The following NRF1 variants were observed in gnomAD, a reference collection of about 807,000 sequenced individuals.
NRF1 encodes the protein nuclear respiratory factor 1, also known as alpha palindromic-binding protein.
Under a neutral mutation model 58.5 loss-of-function variants are expected in NRF1, and 5 were observed. That is an observed-to-expected ratio of 0.09 (90% CI 0.04 to 0.18). The LOEUF is 0.18. NRF1 is among the 10% of genes least tolerant of loss of function. NRF1 has a pLI of 1.00. For missense variants in NRF1, 288 were observed against 657.7 expected (o/e 0.44, Z 6.15); for synonymous variants, 224 against 246.7 (o/e 0.91, Z 0.86).
intron 9 of NRF1, 138 bp downstream of exon 9, chr7:129,717,514 T>G: frequency 1.0e-6 from 1 of 954,388 alleles, no homozygotes; most frequent in African/African-American, 1.7e-5. Flanking sequence ...CCATACGATA[T>G]TGTAGTTTGG....
In NRF1 at chr7:129,732,133, T is replaced by C. The variant is rs542523913; in HGVS notation, c.1348+4768T>C. 2.6e-5 allele frequency among the ~76,000 whole-genome samples: 4 copies of C among 152,172 alleles called. No homozygotes were observed. The South Asian group carries it at 6.2e-4, about 24-fold the overall frequency. On this transcript the variant is annotated intron_variant, in intron 10 of 10. Transcript: ENST00000393232. The stretch of plus-strand genomic sequence containing the variant: ...AGCTCTTTGCTGAGTGCCTCTCACC[T>C]CTCACCCAGACCTTAACACCCATTG...
chr7:129,642,464 A>C (rs1435433583), intron 1 of NRF1, among the ~76,000 whole-genome samples: 1 of 152,214 alleles, frequency 6.6e-6, no homozygotes, highest in Non-Finnish European at 1.5e-5. Flanking sequence ...AGACATTTAA[A>C]AAAGATACAA....
At chr7:129,619,396 G>GTGTA (rs1491323365) in intron 1 of NRF1, among the ~76,000 whole-genome samples, 9 of 47,366 alleles carry the variant, frequency 1.9e-4, no homozygotes, top group South Asian at 1.1e-3. Context: ...TGGCATACGT[G>GTGTA]TATATATATA....
At chr7:129,666,949 A>G (rs1441079177) in intron 2 of NRF1, among the ~76,000 whole-genome samples, 1 of 152,248 alleles carries the variant, frequency 6.6e-6, no homozygotes, top group African/African-American at 2.4e-5. Context: ...CATATAGCCA[A>G]AACTACAATT....
At chr7:129,681,148 C>T (rs1802298279) in intron 4 of NRF1, among the ~76,000 whole-genome samples, 1 of 152,106 alleles carries the variant, frequency 6.6e-6, no homozygotes, top group South Asian at 2.1e-4. Flanking sequence ...TTGGTGGAAG[C>T]AAGAGGTTGG....
intron 10 of NRF1, among the ~76,000 whole-genome samples, chr7:129,739,789 T>C (rs1307934808): frequency 1.3e-5 from 2 of 152,198 alleles, no homozygotes; most frequent in Non-Finnish European, 2.9e-5. Context: ...GCTACAGGTA[T>C]CTGCAGCCAG....
At chr7:129,673,137 AACTG>A (rs1257846402) in intron 3 of NRF1, among the ~76,000 whole-genome samples, 1 of 152,210 alleles carries the variant, frequency 6.6e-6, no homozygotes. Flanking sequence ...AAAAGATGCC[AACTG>A]ACTATTAGAT....
chr7:129,703,023 T>A (rs1163026558), intron 5 of NRF1, among the ~76,000 whole-genome samples: 2 of 152,196 alleles, frequency 1.3e-5, no homozygotes, highest in Non-Finnish European at 2.9e-5. Context: ...ATTTCTAGCA[T>A]AGCAAGAATT....
At chr7:129,723,672 T>C (rs777952220) in intron 9 of NRF1, among the ~76,000 whole-genome samples, 1 of 151,892 alleles carries the variant, frequency 6.6e-6, no homozygotes, top group Non-Finnish European at 1.5e-5. Context: ...AGACAGTCCT[T>C]TCCCTATTGA....
Position 129,611,785 on chromosome 7 carries a change from T to G in NRF1, c.-46T>G, listed in dbSNP as rs1262268541. ...CTGCGAGGAGCCGGCGCGGTCGCAG[T>G]CTCCACGGCGCAGGCCCACGGTAGC... On this transcript the variant is annotated 5_prime_UTR_variant, in exon 1 of 11. Coordinates refer to ENST00000393232, the MANE Select transcript of NRF1 (RefSeq NM_005011.5). 7.7e-6 allele frequency: 2 copies of G among 259,106 alleles called. No homozygotes were observed. The highest frequency in any genetic ancestry group is 1.5e-5 in the Non-Finnish European group (2 of 137,292). 16.1% of individuals were successfully genotyped at this position (259,106 alleles called of 1,614,324 possible). A position where few individuals can be genotyped will look rare whatever the true frequency, so the allele number is the denominator to read the frequency against.
chr7:129,628,346 T>C (rs1349192433), intron 1 of NRF1, among the ~76,000 whole-genome samples: 2 of 152,020 alleles, frequency 1.3e-5, no homozygotes, highest in African/African-American at 4.8e-5. Flanking sequence ...ATAAAAATTA[T>C]TGAGGACTCC....
At position 129,717,425 on chromosome 7, in the gene NRF1, C is replaced by A. The variant is rs757704626; in HGVS notation, c.1223+49C>A. On this transcript the variant is annotated intron_variant, in intron 9 of 10. Transcript: ENST00000393232. ...AGTGAGGATCGCAAATCTGTCCCTG[C>A]AGATATGGGTGGAGGCCCCTTAAAG... 18 of 1,553,418 alleles carry A rather than the reference C, an allele frequency of 1.2e-5. No homozygotes were observed. In the Admixed American group the frequency reaches 2.7e-4, roughly 24 times the overall value.
intron 1 of NRF1, among the ~76,000 whole-genome samples, chr7:129,633,249 C>G (rs1801090549): frequency 6.6e-6 from 1 of 152,084 alleles, no homozygotes; most frequent in Non-Finnish European, 1.5e-5. Flanking sequence ...TGATGCTTAT[C>G]TTTTTAAACG....
At chr7:129,714,463 C>T (rs764029457) in intron 8 of NRF1, among the ~76,000 whole-genome samples, 4 of 152,138 alleles carry the variant, frequency 2.6e-5, no homozygotes, top group South Asian at 2.1e-4. Context: ...CAGCACTGCC[C>T]GGCTTCAGTG....
At chr7:129,702,294 G>A (rs962949796) in intron 5 of NRF1, among the ~76,000 whole-genome samples, 3 of 152,182 alleles carry the variant, frequency 2.0e-5, no homozygotes, top group Non-Finnish European at 2.9e-5. Flanking sequence ...TGGGGGTGCC[G>A]AGATACAGAA....
At chr7:129,655,672 C>T (rs1801637799) in intron 1 of NRF1, among the ~76,000 whole-genome samples, 2 of 152,104 alleles carry the variant, frequency 1.3e-5, no homozygotes, top group Admixed American at 6.5e-5. Context: ...CAGATGTGTA[C>T]CACCACACCT....
intron 9 of NRF1, among the ~76,000 whole-genome samples, chr7:129,717,655 A>C (rs919244652): frequency 2.6e-5 from 4 of 152,206 alleles, no homozygotes; most frequent in African/African-American, 9.7e-5. Context: ...TTTCCTGCTT[A>C]GTTCCTTCTA....
In NRF1 at chr7:129,755,298, C is replaced by CA. The variant is rs1562995607; in HGVS notation, c.*117_*118insA. 2.6e-6 allele frequency: 2 copies of CA among 765,136 alleles called. No homozygotes were observed. Among genetic ancestry groups the CA allele is most frequent in the East Asian group, 8.4e-5 (2 of 23,950 alleles). 47.4% of individuals were successfully genotyped at this position (765,136 alleles called of 1,614,324 possible). A position where few individuals can be genotyped will look rare whatever the true frequency, so the allele number is the denominator to read the frequency against. On this transcript the variant is annotated 3_prime_UTR_variant, in exon 11 of 11. Transcript: ENST00000393232. The surrounding 1 kb of genome is among the most constrained non-coding windows in gnomAD (Gnocchi z 5.8). The stretch of plus-strand genomic sequence containing the variant: ...ACTTTGGAAGGAAAGTTTTGTTAAC[C>CA]TTTTTTTTTTTAAAAGGAAGAAAGC...
chr7:129,663,472 G>A (rs1250823098), intron 2 of NRF1, among the ~76,000 whole-genome samples: 1 of 146,966 alleles, frequency 6.8e-6, no homozygotes, highest in Non-Finnish European at 1.5e-5. Context: ...CCGAGCAGAG[G>A]TGCTCCTCAC....
Sources: allele counts gnomAD v4.1 joint callset (sites outside exome capture counted in the v4.1 genomes callset), GRCh38; gene constraint gnomAD v4.1.1; non-coding constraint Gnocchi (gnomAD v3.1); transcripts MANE v1.5; gene names NCBI Gene and HGNC (gene_info 2026-07-23, HGNC 2026-07-21).